Variants in DAB2IP observed in about 807,000 individuals in gnomAD.
The protein encoded by DAB2IP is disabled homolog 2-interacting protein.
Under a neutral mutation model 107.2 loss-of-function variants are expected in DAB2IP, and 28 were observed. The ratio of observed to expected loss-of-function variants is 0.26; its 90% CI spans 0.19 to 0.36. The LOEUF (loss-of-function observed/expected upper bound fraction) is 0.36. DAB2IP is among the 10% of genes least tolerant of loss of function. DAB2IP has a pLI of 1.00. For synonymous variants in DAB2IP, 755 were observed against 706.4 expected (o/e 1.07, Z -1.09); for missense variants, 1,400 against 1,644.7 (o/e 0.85, Z 2.57).
At chr9:121,708,417 C>T (rs1183894181) in intron 3 of DAB2IP, among the ~76,000 whole-genome samples, 1 of 152,230 alleles carries the variant, frequency 6.6e-6, no homozygotes, top group East Asian at 1.9e-4. Flanking sequence ...GTAGCAGTAG[C>T]CCCCTTCTGT....
rs115430624 is a variant in DAB2IP, at chr9:121,748,887, C to T, written c.363-8126C>T. Among the ~76,000 whole-genome samples, 1,377 of 152,252 alleles carry T rather than the reference C, an allele frequency of 9.0e-3. 24 individuals carry two copies. Among genetic ancestry groups the T allele is most frequent in the African/African-American group, 0.031 (1,295 of 41,552 alleles). ...TCCCAGGGGTGAGGGCAGAAGGCCA[C>T]GTGTCTCCCTGTCTCACAGCCCAGG... On this transcript the variant is annotated intron_variant, in intron 3 of 15. Transcript: ENST00000408936.
chr9:121,667,456 T>C (rs984766943), intron 1 of DAB2IP, among the ~76,000 whole-genome samples: 1 of 152,220 alleles, frequency 6.6e-6, no homozygotes, highest in Non-Finnish European at 1.5e-5. Flanking sequence ...TCCTGATTCC[T>C]GATCTTTGGA....
chr9:121,631,872 C>CGT (rs1331368310), intron 1 of DAB2IP, among the ~76,000 whole-genome samples: 1 of 150,372 alleles, frequency 6.7e-6, no homozygotes, highest in East Asian at 1.9e-4. Context: ...CCCAGGGAAC[C>CGT]GTGGCAGGGC....
At chr9:121,649,077 T>C (rs1043936776), upstream of DAB2IP, among the ~76,000 whole-genome samples, 4 of 152,154 alleles carry the variant, frequency 2.6e-5, no homozygotes, top group African/African-American at 9.7e-5. Flanking sequence ...GCTCTTTCTC[T>C]CCTAGCTCCT....
chr9:121,650,007 G>GT (rs998017083), upstream of DAB2IP, among the ~76,000 whole-genome samples: 1 of 152,148 alleles, frequency 6.6e-6, no homozygotes, highest in African/African-American at 2.4e-5. Context: ...TGTGTGTGTG[G>GT]TTTTTTTGTT....
At position 121,760,222 on chromosome 9, in the gene DAB2IP, C is replaced by G; in HGVS notation, c.953C>G (p.Pro318Arg). 1 of 1,613,782 alleles carries G rather than the reference C, an allele frequency of 6.2e-7. No homozygotes were observed. The highest frequency in any genetic ancestry group is 8.5e-7 in the Non-Finnish European group (1 of 1,180,014). The stretch of plus-strand genomic sequence containing the variant: ...TGGTACCCGGTGGTGACGCCCAACC[C>G]CAAGGGCGGCAAGGGCCCTGGACCC... Residue 318 changes from proline (P) to arginine (R), a missense_variant, in exon 6 of 16, where the codon CCC (proline) becomes CGC (arginine). By Grantham distance (103) the Pro-to-Arg change is moderately radical. Transcript: ENST00000408936. The surrounding 1 kb of genome is among the most constrained non-coding windows in gnomAD (Gnocchi z 5.9).
chr9:121,782,558 G>T lies in DAB2IP; in HGVS notation c.*60G>T. ...GGGGGACTATGGTGGCCAAGGGCAG[G>T]GTCTCGGCCTGGGGAGGCACCCACG... is the stretch of plus-strand genomic sequence containing the variant. On this transcript the variant is annotated 3_prime_UTR_variant, in exon 16 of 16. Coordinates refer to ENST00000408936, the Ensembl canonical transcript of DAB2IP. This position sits in a 1 kb window ranked among gnomAD's most constrained non-coding sequence, Gnocchi z 6.1. 6.3e-7 allele frequency: 1 copy of T among 1,584,420 alleles called. No individual in the cohort carries two copies. Among genetic ancestry groups the T allele is most frequent in the Non-Finnish European group, 8.6e-7 (1 of 1,160,944 alleles).
intron 10 of DAB2IP, 51 bp from the exon 11 acceptor site, chr9:121,770,495 T>A: frequency 6.3e-7 from 1 of 1,585,066 alleles, no homozygotes; most frequent in Non-Finnish European, 8.6e-7. Flanking sequence ...ACATACAGCC[T>A]ACCCATGTGG....
At chr9:121,730,772 C>T (rs1158133731) in intron 3 of DAB2IP, among the ~76,000 whole-genome samples, 1 of 152,210 alleles carries the variant, frequency 6.6e-6, no homozygotes, top group Non-Finnish European at 1.5e-5. Flanking sequence ...AAGAACCTGA[C>T]TGCCTTGCTC....
At chr9:121,766,987 T>C (rs1214027480) in intron 9 of DAB2IP, among the ~76,000 whole-genome samples, 1 of 152,272 alleles carries the variant, frequency 6.6e-6, no homozygotes, top group African/African-American at 2.4e-5. Flanking sequence ...TTTTTCCTTC[T>C]GCTTTTTTGA....
At chr9:121,744,264 G>C (rs888948847) in intron 3 of DAB2IP, among the ~76,000 whole-genome samples, 4 of 152,212 alleles carry the variant, frequency 2.6e-5, no homozygotes, top group African/African-American at 9.6e-5. Flanking sequence ...GGCCCACTGG[G>C]TGGGGTGGAG....
intron 3 of DAB2IP, among the ~76,000 whole-genome samples, chr9:121,715,451 C>G (rs1221928346): frequency 6.6e-6 from 1 of 151,268 alleles, no homozygotes; most frequent in South Asian, 2.1e-4. Context: ...CTCCCAGGTT[C>G]ACACCATTCT....
chr9:121,738,029 T>G (rs1165178115), intron 3 of DAB2IP, among the ~76,000 whole-genome samples: 1 of 151,300 alleles, frequency 6.6e-6, no homozygotes, highest in African/African-American at 2.4e-5. Flanking sequence ...TCCTGGAGCT[T>G]CCAACCTGGA....
chr9:121,621,590 C>G (rs1271218773), intron 1 of DAB2IP, among the ~76,000 whole-genome samples: 2 of 152,044 alleles, frequency 1.3e-5, no homozygotes, highest in Non-Finnish European at 2.9e-5. Flanking sequence ...AGTCCAGTCC[C>G]CTGTCTCCCA....
intron 1 of DAB2IP, among the ~76,000 whole-genome samples, chr9:121,629,395 T>C (rs1427161680): frequency 2.0e-5 from 3 of 152,046 alleles, no homozygotes; most frequent in Non-Finnish European, 4.4e-5. Context: ...ATAGATGATG[T>C]CCCCAAGCAG....
chr9:121,683,258 G>C (rs1374522743), intron 2 of DAB2IP, among the ~76,000 whole-genome samples: 2 of 152,156 alleles, frequency 1.3e-5, no homozygotes, highest in Non-Finnish European at 2.9e-5. Flanking sequence ...CAGAGGAGCC[G>C]TGGTTTGATT....
At chr9:121,660,735 G>T (rs940306752) in intron 1 of DAB2IP, among the ~76,000 whole-genome samples, 1 of 152,156 alleles carries the variant, frequency 6.6e-6, no homozygotes, top group Admixed American at 6.5e-5. Flanking sequence ...TTTATTCTGA[G>T]ATGATGGTCT....
upstream of DAB2IP, among the ~76,000 whole-genome samples, chr9:121,651,274 GCAGGAACGGAC>G (rs1025009147): frequency 6.6e-6 from 1 of 152,240 alleles, no homozygotes; most frequent in African/African-American, 2.4e-5. The surrounding 1 kb of genome is among the most constrained non-coding windows in gnomAD (Gnocchi z 5.1). Context: ...CGAGCCTGGG[GCAGGAACGGAC>G]CCTAATTGAA....
intron 1 of DAB2IP, among the ~76,000 whole-genome samples, chr9:121,571,883 G>A (rs1199812548): frequency 6.6e-6 from 1 of 152,094 alleles, no homozygotes; most frequent in African/African-American, 2.4e-5. Context: ...ACAGTCAGAG[G>A]CAGGAAGGTG....
Sources: gnomAD v4.1 joint callset for allele counts (sites outside exome capture counted in the v4.1 genomes callset) on GRCh38, gnomAD v4.1.1 for gene constraint, Gnocchi (gnomAD v3.1) non-coding constraint, MANE v1.5 for transcripts, NCBI Gene and HGNC (gene_info 2026-07-23, HGNC 2026-07-21) for gene names.